Variants in PDE7B observed in about 807,000 individuals in gnomAD.
The protein encoded by PDE7B is 3',5'-cyclic-AMP phosphodiesterase 7B.
A neutral mutation model predicts 56.2 loss-of-function variants in PDE7B; 29 were observed. The observed-to-expected ratio is 0.52, with a 90% CI of 0.38 to 0.70. The LOEUF (loss-of-function observed/expected upper bound fraction) is 0.70, where lower values mean the gene tolerates loss of function less well. Among genes scored for constraint, PDE7B ranks in the 30% least tolerant of loss-of-function variants. The probability of loss-of-function intolerance (pLI) is 0.00; values close to 1 mark genes in which losing one functional copy is unlikely to be tolerated. For synonymous variants in PDE7B, 197 were observed against 196.9 expected (o/e 1.00, Z 0.00); for missense variants, 490 against 565.0 (o/e 0.87, Z 1.35).
chr6:136,051,390 T>C (rs1025624604), intron 2 of PDE7B, among the ~76,000 whole-genome samples: 4 of 152,218 alleles, frequency 2.6e-5, no homozygotes, highest in African/African-American at 4.8e-5. Context: ...ATCCGCGAGT[T>C]CTTGAGTGCC....
At chr6:135,936,397 A>G (rs1289854055) in intron 1 of PDE7B, among the ~76,000 whole-genome samples, 1 of 152,180 alleles carries the variant, frequency 6.6e-6, no homozygotes, top group East Asian at 1.9e-4. Context: ...TGCAGTGTAA[A>G]TCAGGAAAAC....
intron 2 of PDE7B, among the ~76,000 whole-genome samples, chr6:136,004,362 G>T (rs1775736332): frequency 6.6e-6 from 1 of 152,006 alleles, no homozygotes; most frequent in Non-Finnish European, 1.5e-5. Flanking sequence ...GGGCAATTAG[G>T]CAGGAGAAGG....
intron 2 of PDE7B, among the ~76,000 whole-genome samples, chr6:136,108,338 C>G (rs1208098881): frequency 7.2e-5 from 11 of 151,748 alleles, no homozygotes; most frequent in African/African-American, 2.4e-5. Flanking sequence ...TGTGTTGGAA[C>G]AAAGAAAAAT....
chr6:135,907,336 A>G (rs1776133742), intron 1 of PDE7B, among the ~76,000 whole-genome samples: 1 of 151,978 alleles, frequency 6.6e-6, no homozygotes, highest in Non-Finnish European at 1.5e-5. Flanking sequence ...GTTTCCTTAA[A>G]CCAGTAAAAT....
intron 10 of PDE7B, 74 bp downstream of exon 10, chr6:136,179,215 T>C: frequency 5.1e-6 from 7 of 1,373,566 alleles, no homozygotes; most frequent in African/African-American, 1.4e-5. Context: ...GTGGCTCACA[T>C]CTGTAGTCCC....
chr6:136,149,698 C>T (rs1778479968), intron 5 of PDE7B, among the ~76,000 whole-genome samples: 1 of 152,098 alleles, frequency 6.6e-6, no homozygotes, highest in Non-Finnish European at 1.5e-5. Flanking sequence ...GTTTTTGTGC[C>T]TATAAAGACC....
intron 2 of PDE7B, among the ~76,000 whole-genome samples, chr6:136,102,976 AT>A (rs767461244): frequency 9.2e-5 from 14 of 152,204 alleles, no homozygotes; most frequent in Non-Finnish European, 1.9e-4. Context: ...GCAAATCAAG[AT>A]TTTTAAGAAG....
chr6:135,921,021 G>A (rs112092470), intron 1 of PDE7B, among the ~76,000 whole-genome samples: 1,854 of 152,278 alleles, frequency 0.012, 31 homozygotes, highest in Non-Finnish European at 0.015. Flanking sequence ...TTTGTTAAAA[G>A]AATAATAGAG....
intron 3 of PDE7B, among the ~76,000 whole-genome samples, chr6:136,139,952 TG>T (rs924306648): frequency 6.6e-6 from 1 of 152,250 alleles, no homozygotes; most frequent in African/African-American, 2.4e-5. Flanking sequence ...TTTCTTTTGT[TG>T]TGCAGAAGCT....
chr6:135,976,063 G>A (rs904644421), intron 2 of PDE7B, among the ~76,000 whole-genome samples: 2 of 152,068 alleles, frequency 1.3e-5, no homozygotes, highest in African/African-American at 2.4e-5. Context: ...ACCTGCAGCC[G>A]ATACCACAGA....
intron 1 of PDE7B, among the ~76,000 whole-genome samples, chr6:135,915,716 A>G (rs1773910659): frequency 6.6e-6 from 1 of 152,174 alleles, no homozygotes; most frequent in Admixed American, 6.5e-5. Context: ...AATTTCCTCC[A>G]TCACAACCAA....
chr6:135,989,125 T>C (rs375209517), intron 2 of PDE7B, among the ~76,000 whole-genome samples: 46 of 152,324 alleles, frequency 3.0e-4, no homozygotes, highest in African/African-American at 1.0e-3. Flanking sequence ...AAGTTCTATG[T>C]AATTAAACCA....
intron 2 of PDE7B, among the ~76,000 whole-genome samples, chr6:136,107,514 A>ATAACATGATATGCATGATCCCTGCTTT (rs569520840): frequency 2.0e-3 from 311 of 152,376 alleles, no homozygotes; most frequent in African/African-American, 7.1e-3. Context: ...AGAAATGTAA[A>ATAACATGATATGCATGATCCCTGCTTT]TAACATGATA....
intron 12 of PDE7B, among the ~76,000 whole-genome samples, chr6:136,189,103 CCT>C (rs764742173): frequency 2.7e-4 from 41 of 152,218 alleles, no homozygotes; most frequent in African/African-American, 7.2e-4. Flanking sequence ...GAAATGTTCC[CCT>C]GTTTTTCCTG....
intron 1 of PDE7B, among the ~76,000 whole-genome samples, chr6:135,906,073 G>T (rs1469055119): frequency 6.6e-6 from 1 of 152,116 alleles, no homozygotes; most frequent in African/African-American, 2.4e-5. Context: ...CTTTCTGGTT[G>T]CTTGGAAGTG....
chr6:135,997,273 G>A (rs915003679), intron 2 of PDE7B, among the ~76,000 whole-genome samples: 18 of 151,386 alleles, frequency 1.2e-4, no homozygotes, highest in Non-Finnish European at 2.5e-4. Context: ...AATTAGCCAG[G>A]TGTGGTGGCA....
intron 10 of PDE7B, among the ~76,000 whole-genome samples, 166 bp downstream of exon 10, chr6:136,179,307 C>T (rs1249531602): frequency 6.6e-6 from 1 of 152,124 alleles, no homozygotes; most frequent in African/African-American, 2.4e-5. Flanking sequence ...CACCACTGCA[C>T]TCCAGCCTGG....
At chr6:136,106,789 A>G (rs752215756) in intron 2 of PDE7B, among the ~76,000 whole-genome samples, 77 of 152,336 alleles carry the variant, frequency 5.1e-4, no homozygotes, top group South Asian at 8.3e-4. Context: ...CGAGGAGAGA[A>G]AAACACTTCA....
intron 2 of PDE7B, among the ~76,000 whole-genome samples, chr6:136,036,623 AC>A (rs1160267836): frequency 2.0e-5 from 3 of 152,120 alleles, no homozygotes; most frequent in African/African-American, 7.2e-5. Flanking sequence ...AATAAAACAC[AC>A]TCTACAACGA....
Sources: allele counts gnomAD v4.1 joint callset (sites outside exome capture counted in the v4.1 genomes callset), GRCh38; gene constraint gnomAD v4.1.1; transcripts MANE v1.5; gene names NCBI Gene and HGNC (gene_info 2026-07-23, HGNC 2026-07-21).